RARB: variants seen among roughly 807,000 people sequenced by gnomAD.
RARB encodes the protein retinoic acid receptor beta.
In RARB, 17 loss-of-function variants were observed where a neutral mutation model predicts 51.9. The ratio of observed to expected loss-of-function variants is 0.33; its 90% confidence interval spans 0.22 to 0.49. The LOEUF (loss-of-function observed/expected upper bound fraction) is 0.49. RARB is among the 20% of genes least tolerant of loss of function. RARB has a pLI of 0.99. For synonymous variants in RARB, 215 were observed against 195.4 expected (o/e 1.10, Z -0.84); for missense variants, 369 against 550.8 (o/e 0.67, Z 3.30).
chr3:25,163,700 C>T (rs1424483201), intron 4 of RARB, among the ~76,000 whole-genome samples: 1 of 151,814 alleles, frequency 6.6e-6, no homozygotes, highest in South Asian at 2.1e-4. Flanking sequence ...GAGTCAAGGA[C>T]CCCGTTCCCT....
In RARB at chr3:25,086,795, A is replaced by G. The variant is rs115487536; in HGVS notation, c.-328+26619A>G. On this transcript the variant is annotated intron_variant, in intron 3 of 11. Coordinates refer to the RARB transcript ENST00000383772. ...GTTTATCTAAAGACCTGGAGTTGAT[A>G]GAAGGGAGTATCTGGGTTAAGATAA... is the stretch of plus-strand genomic sequence containing the variant. Among the ~76,000 whole-genome samples, 782 of 152,222 alleles carry G rather than the reference A, an allele frequency of 5.1e-3. 4 individuals are homozygous for G. The highest frequency in any genetic ancestry group is 0.018 in the African/African-American group (749 of 41,542).
At chr3:25,250,304 A>T (rs1702680306) in intron 5 of RARB, among the ~76,000 whole-genome samples, 1 of 152,140 alleles carries the variant, frequency 6.6e-6, no homozygotes, top group Non-Finnish European at 1.5e-5. Context: ...CTCAGGCTCC[A>T]TGTGATGTGT....
At chr3:25,308,345 A>G (rs1195862672) in intron 5 of RARB, among the ~76,000 whole-genome samples, 1 of 152,002 alleles carries the variant, frequency 6.6e-6, no homozygotes, top group Non-Finnish European at 1.5e-5. Flanking sequence ...TCATATTCCT[A>G]TGCTTTGCAG....
At chr3:25,306,252 G>A (rs963610881) in intron 5 of RARB, among the ~76,000 whole-genome samples, 5 of 152,142 alleles carry the variant, frequency 3.3e-5, no homozygotes, top group South Asian at 2.1e-4. Context: ...TGTCCTCTCC[G>A]TGAACCTGCC....
chr3:24,887,867 A>G (rs1703293174), intron 2 of RARB, among the ~76,000 whole-genome samples: 1 of 152,128 alleles, frequency 6.6e-6, no homozygotes, highest in Non-Finnish European at 1.5e-5. Context: ...TTGGCATGTA[A>G]TGGGAAGAAG....
intron 5 of RARB, among the ~76,000 whole-genome samples, chr3:25,382,237 A>G (rs931915098): frequency 6.6e-6 from 1 of 152,252 alleles, no homozygotes; most frequent in African/African-American, 2.4e-5. Flanking sequence ...AGATTTAAAC[A>G]TGAGTGCTTT....
chr3:24,882,922 T>G (rs1338936767), intron 2 of RARB, among the ~76,000 whole-genome samples: 1 of 152,160 alleles, frequency 6.6e-6, no homozygotes, highest in East Asian at 1.9e-4. Context: ...CTGGTGGTGG[T>G]GAGGGGGTAT....
At chr3:25,595,425 C>T (rs1701780880) in intron 7 of RARB, among the ~76,000 whole-genome samples, 1 of 152,188 alleles carries the variant, frequency 6.6e-6, no homozygotes, top group Admixed American at 6.5e-5. Context: ...GCAGTCTTAA[C>T]TCGAGCTCCT....
In RARB at chr3:24,989,620, A is replaced by T. The variant is rs944029358; in HGVS notation, c.-379-70505A>T. Among the ~76,000 whole-genome samples, 2 of 106,890 alleles carry T rather than the reference A, an allele frequency of 1.9e-5. 1 individual carries two copies. The highest frequency in any genetic ancestry group is 7.3e-5 in the African/African-American group (2 of 27,222). The allele number at this position is 106,890 out of a possible 152,430, so 70.1% of individuals were successfully genotyped here. On this transcript the variant is annotated intron_variant, in intron 2 of 11. Coordinates refer to the RARB transcript ENST00000383772. ...TTGAGCGTCATTTTTTAACCAGATT[A>T]TCTCATCTTTTATTTCTCTTATTTA... is the stretch of plus-strand genomic sequence containing the variant.
intron 2 of RARB, among the ~76,000 whole-genome samples, chr3:25,051,677 G>A (rs565797347): frequency 1.3e-5 from 2 of 152,162 alleles, no homozygotes; most frequent in Admixed American, 1.3e-4. Context: ...GATCAAGAAA[G>A]TTACAGTTCA....
intron 5 of RARB, among the ~76,000 whole-genome samples, chr3:25,241,819 A>T (rs1453739495): frequency 6.6e-6 from 1 of 152,228 alleles, no homozygotes; most frequent in Non-Finnish European, 1.5e-5. Flanking sequence ...TCCTTTGGGT[A>T]TATACCCAGT....
intron 2 of RARB, among the ~76,000 whole-genome samples, chr3:25,048,971 C>G (rs1024785197): frequency 1.4e-4 from 22 of 152,080 alleles, no homozygotes; most frequent in African/African-American, 4.8e-4. Context: ...CCAGGATGGT[C>G]TCGATCTCCT....
intron 5 of RARB, among the ~76,000 whole-genome samples, chr3:25,264,458 T>C (rs554196176): frequency 6.6e-6 from 1 of 152,314 alleles, no homozygotes; most frequent in African/African-American, 2.4e-5. Flanking sequence ...TTTCTCTGTT[T>C]TCTGTTGTTG....
chr3:25,262,237 T>A (rs1040413212), intron 5 of RARB, among the ~76,000 whole-genome samples: 1 of 152,072 alleles, frequency 6.6e-6, no homozygotes. Context: ...CCAGAGTGAG[T>A]GCCCTCACTA....
intron 2 of RARB, among the ~76,000 whole-genome samples, chr3:24,920,449 A>G (rs1018528953): frequency 2.0e-5 from 3 of 152,296 alleles, no homozygotes; most frequent in African/African-American, 4.8e-5. Flanking sequence ...TTCATCTCCA[A>G]TTTTCCAGAT....
chr3:24,887,313 A>G (rs114429523), intron 2 of RARB, among the ~76,000 whole-genome samples: 3,604 of 152,344 alleles, frequency 0.024, 83 homozygotes, highest in Middle Eastern at 0.065. Flanking sequence ...TGAAAGATTT[A>G]TATCTGTAAC....
chr3:25,401,497 T>C (rs917521752), intron 5 of RARB, among the ~76,000 whole-genome samples: 1 of 152,224 alleles, frequency 6.6e-6, no homozygotes, highest in African/African-American at 2.4e-5. Context: ...GATATTATAA[T>C]CATCTTTAAA....
At chr3:25,199,400 G>A (rs1052230360) in intron 5 of RARB, among the ~76,000 whole-genome samples, 2 of 152,030 alleles carry the variant, frequency 1.3e-5, no homozygotes, top group African/African-American at 4.8e-5. Context: ...GCAAAACAGA[G>A]CGATTACAGT....
chr3:24,968,322 G>A (rs1696322728), intron 2 of RARB, among the ~76,000 whole-genome samples: 1 of 152,088 alleles, frequency 6.6e-6, no homozygotes, highest in African/African-American at 2.4e-5. Flanking sequence ...CTGGGTACAA[G>A]ATCTTCATTC....
Sources: gnomAD v4.1 joint callset for allele counts (sites outside exome capture counted in the v4.1 genomes callset) on GRCh38, gnomAD v4.1.1 for gene constraint, MANE v1.5 for transcripts, NCBI Gene and HGNC (gene_info 2026-07-23, HGNC 2026-07-21) for gene names.